The following GAPDH variants were observed in gnomAD, a reference collection of about 807,000 sequenced individuals.
GAPDH encodes OCAS, p38 component.
GAPDH carries 13 observed loss-of-function variants against 31.2 expected under a neutral mutation model. The observed-to-expected ratio is 0.42, with a 90% CI of 0.27 to 0.66. GAPDH has a LOEUF of 0.66. Among genes scored for constraint, GAPDH ranks in the 30% least tolerant of loss-of-function variants. The pLI is 0.26. For missense variants in GAPDH, 300 were observed against 443.7 expected, an observed-to-expected ratio of 0.68 and a Z score of 2.91; for synonymous variants, 211 against 166.9, an observed-to-expected ratio of 1.26 and a Z score of -2.04.
Position 6,535,262 on chromosome 12 carries a change from C to T in GAPDH, c.29+401C>T, listed in dbSNP as rs1032208447. The T allele has an allele frequency of 4.8e-6, 5 of 1,033,194 alleles. No homozygotes were observed. In the African/African-American group the frequency reaches 8.5e-5, roughly 18 times the overall value. 64.0% of individuals were successfully genotyped at this position (1,033,194 alleles called of 1,614,324 possible). A position where few individuals can be genotyped will look rare whatever the true frequency, so the allele number is the denominator to read the frequency against. ...ATGCTAGTGCGCAGCGGGTGCATCC[C>T]TGTCCGGATGCTGCGCCTGCGGTAG... is the stretch of plus-strand genomic sequence containing the variant. On this transcript the variant is annotated intron_variant, in intron 2 of 8. Coordinates refer to ENST00000229239, the MANE Select transcript of GAPDH (RefSeq NM_002046.7).
chr12:6,536,861 T>C (rs1364515095), intron 4 of GAPDH, 59 bp from the exon 5 acceptor site: 25 of 1,582,910 alleles, frequency 1.6e-5, no homozygotes, highest in Non-Finnish European at 2.2e-5. Flanking sequence ...CCCTTGGGTA[T>C]ATGGTAACCT....
intron 1 of GAPDH, 25 bp from the exon 2 acceptor site, chr12:6,534,785 C>A (rs753432264): frequency 6.2e-7 from 1 of 1,606,706 alleles, no homozygotes; most frequent in Non-Finnish European, 8.5e-7. Flanking sequence ...CCACTAGGCG[C>A]TCACTGTTCT....
intron 2 of GAPDH, 119 bp downstream of exon 2, chr12:6,534,980 G>A: frequency 1.7e-6 from 2 of 1,194,114 alleles, no homozygotes; most frequent in South Asian, 1.4e-5. Flanking sequence ...TTCCCCGCAA[G>A]GAGAGCTCAA....
At chr12:6,534,952 A>ATG in intron 2 of GAPDH, 91 bp downstream of exon 2, 4 of 1,390,038 alleles carry the variant, frequency 2.9e-6, no homozygotes, top group Non-Finnish European at 4.0e-6. Context: ...TTGCAGTCGT[A>ATG]TGGGGGCAGG....
At chr12:6,536,816 A>C (rs982204795) in intron 4 of GAPDH, 26 bp downstream of exon 4, 1 of 1,605,176 alleles carries the variant, frequency 6.2e-7, no homozygotes, top group Non-Finnish European at 8.5e-7. Flanking sequence ...AATGGAAGAA[A>C]TGTGCTTTGG....
chr12:6,535,201 C>T, intron 2 of GAPDH: 1 of 1,102,182 alleles, frequency 9.1e-7, no homozygotes, highest in Non-Finnish European at 1.1e-6. Context: ...GCAGAGGAGC[C>T]CCTCCCCCAC....
In GAPDH at chr12:6,537,583, G is replaced by T; in HGVS notation, c.526-1G>T. The T allele has an allele frequency of 6.2e-7, 1 of 1,610,422 alleles. No individual in the cohort carries two copies. The highest frequency in any genetic ancestry group is 1.1e-5 in the South Asian group (1 of 90,830). ...GCTGCAGGGCCTCACTCCTTTTGCA[G>T]ACCACAGTCCATGCCATCACTGCCA... On this transcript the variant is annotated splice_acceptor_variant, in intron 7 of 8. Coordinates refer to ENST00000229239, the MANE Select transcript of GAPDH (RefSeq NM_002046.7). LOFTEE classifies it high-confidence loss of function. The surrounding 1 kb of genome is among the most constrained non-coding windows in gnomAD (Gnocchi z 4.9).
chr12:6,535,109 C>G, intron 2 of GAPDH: 1 of 786,332 alleles, frequency 1.3e-6, no homozygotes, highest in Non-Finnish European at 1.8e-6. Flanking sequence ...ACAGGAGGTC[C>G]CTACTCCCGC....
At chr12:6,534,885 G>T (rs765111334) in intron 2 of GAPDH, 24 bp downstream of exon 2, 2 of 1,610,948 alleles carry the variant, frequency 1.2e-6, no homozygotes, top group Non-Finnish European at 8.5e-7. Flanking sequence ...TGGCTGGGGG[G>T]CCCTGGGCTG....
chr12:6,535,889 A>G (rs1024227563), intron 2 of GAPDH, among the ~76,000 whole-genome samples: 7 of 151,144 alleles, frequency 4.6e-5, no homozygotes, highest in African/African-American at 1.7e-4. Flanking sequence ...ACACACATGC[A>G]CTTACCTGTG....
rs532940876 is a variant in GAPDH, at chr12:6,534,520, C to G, written c.-73C>G. 3 of 447,116 alleles carry G rather than the reference C, an allele frequency of 6.7e-6. No homozygotes were observed. Among genetic ancestry groups the G allele is most frequent in the Non-Finnish European group, 1.2e-5 (3 of 245,114 alleles). The allele number at this position is 447,116 out of a possible 1,614,324, so 27.7% of individuals were successfully genotyped here. On this transcript the variant is annotated 5_prime_UTR_variant, in exon 1 of 9. Coordinates refer to ENST00000229239, the MANE Select transcript of GAPDH (RefSeq NM_002046.7). ...TGAGCCCGCAGCCTCCCGCTTCGCT[C>G]TCTGCTCCTCCTGTTCGACAGTCAG...
In GAPDH at chr12:6,536,680, C is replaced by A; in HGVS notation, c.130-4C>A. On this transcript the variant is annotated splice_polypyrimidine_tract_variant and splice_region_variant and intron_variant, in intron 3 of 8. Transcript: ENST00000229239. ...CCCCTTCATACCCTCACGTATTCCC[C>A]CAGGTTTACATGTTCCAATATGATT... The A allele has an allele frequency of 6.2e-7, 1 of 1,612,072 alleles. No homozygotes were observed. Among genetic ancestry groups the A allele is most frequent in the Non-Finnish European group, 8.5e-7 (1 of 1,178,346 alleles).
In GAPDH at chr12:6,537,415, G is replaced by C; in HGVS notation, c.525+25G>C. The C allele has an allele frequency of 1.2e-6, 2 of 1,600,980 alleles. No homozygotes were observed. Among genetic ancestry groups the C allele is most frequent in the Non-Finnish European group, 1.7e-6 (2 of 1,171,530 alleles). On this transcript the variant is annotated intron_variant, in intron 7 of 8. Coordinates refer to ENST00000229239, the MANE Select transcript of GAPDH (RefSeq NM_002046.7). This position sits in a 1 kb window ranked among gnomAD's most constrained non-coding sequence, Gnocchi z 4.9. ...GGTATGAGAGCTGGGGAATGGGACT[G>C]AGGCTCCCACCTTTCTCATCCAAGA...
At position 6,534,823 on chromosome 12, in the gene GAPDH, C is replaced by T. The variant is rs1946422624; in HGVS notation, c.-10C>T. 1.2e-6 allele frequency: 2 copies of T among 1,613,580 alleles called. No individual in the cohort carries two copies. Among genetic ancestry groups the T allele is most frequent in the Non-Finnish European group, 8.5e-7 (1 of 1,179,798 alleles). On this transcript the variant is annotated 5_prime_UTR_variant, in exon 2 of 9. Coordinates refer to ENST00000229239, the MANE Select transcript of GAPDH (RefSeq NM_002046.7). ...CCCTCCGCGCAGCCGAGCCACATCG[C>T]TCAGACACCATGGGGAAGGTGAAGG...
rs371116969 is a variant in GAPDH at position 6,537,235 on chromosome 12, G to T, written c.443+19G>T. The T allele has an allele frequency of 3.1e-6, 5 of 1,597,306 alleles. No homozygotes were observed. The African/African-American group carries it at 5.4e-5, about 17-fold the overall frequency. On this transcript the variant is annotated intron_variant, in intron 6 of 8. Coordinates refer to ENST00000229239, the MANE Select transcript of GAPDH (RefSeq NM_002046.7). This position sits in a 1 kb window ranked among gnomAD's most constrained non-coding sequence, Gnocchi z 4.9. ...TCATCAGGTGAGGAAGGCAGGGCCC[G>T]TGGAGAAGCGGCCAGCCTGGCACCC...
At position 6,537,566 on chromosome 12, in the gene GAPDH, G is replaced by A. The variant is rs762249305; in HGVS notation, c.526-18G>A. Reference sequence around the variant, plus strand: ...GGTGATGTGGGGAGTACGCTGCAGGGCCTCACTCCTTTTGCAGACCACAGT... The same window carrying A: ...GGTGATGTGGGGAGTACGCTGCAGGACCTCACTCCTTTTGCAGACCACAGT... On this transcript the variant is annotated intron_variant, in intron 7 of 8. Coordinates refer to ENST00000229239, the MANE Select transcript of GAPDH (RefSeq NM_002046.7). This position sits in a 1 kb window ranked among gnomAD's most constrained non-coding sequence, Gnocchi z 4.9. The A allele has an allele frequency of 6.2e-7, 1 of 1,605,336 alleles. No individual in the cohort carries two copies. The highest frequency in any genetic ancestry group is 1.3e-5 in the African/African-American group (1 of 74,886).
intron 1 of GAPDH, 69 bp from the exon 2 acceptor site, chr12:6,534,741 G>A (rs1946419866): frequency 7.5e-7 from 1 of 1,342,168 alleles, no homozygotes; most frequent in Non-Finnish European, 1.1e-6. Context: ...GGCCTGGTGG[G>A]GGAGGGGAGG....
rs767788286 is a variant in GAPDH, at chr12:6,537,210, T to A, written c.437T>A (p.Ile146Asn). The change falls in exon 6 of 9, where the codon ATC becomes AAC. Residue 146 changes from isoleucine to asparagine, a missense_variant. Physicochemically the swap from Ile to Asn is moderately radical, Grantham distance 149 (BLOSUM62 -3). Transcript: ENST00000229239. The surrounding 1 kb of genome is among the most constrained non-coding windows in gnomAD (Gnocchi z 4.9). ...NHEKYDNSLK[I>N]ISNASCTTNC... Reference sequence around the variant, plus strand: ...GAGAAGTATGACAACAGCCTCAAGATCATCAGGTGAGGAAGGCAGGGCCCG... The same window carrying A: ...GAGAAGTATGACAACAGCCTCAAGAACATCAGGTGAGGAAGGCAGGGCCCG... 6.2e-7 allele frequency: 1 copy of A among 1,611,770 alleles called. No individual in the cohort carries two copies. Among genetic ancestry groups the A allele is most frequent in the East Asian group, 2.2e-5 (1 of 44,872 alleles).
In GAPDH at chr12:6,537,535, T is replaced by A; in HGVS notation, c.526-49T>A. On this transcript the variant is annotated intron_variant, in intron 7 of 8. Coordinates refer to ENST00000229239, the MANE Select transcript of GAPDH (RefSeq NM_002046.7). The surrounding 1 kb of genome is among the most constrained non-coding windows in gnomAD (Gnocchi z 4.9). ...TTTCCTTTCAAGGTGGGGAGGGAGGTAGAGGGGTGATGTGGGGAGTACGCT... is the reference window on the plus strand; with the variant it reads ...TTTCCTTTCAAGGTGGGGAGGGAGGAAGAGGGGTGATGTGGGGAGTACGCT... 1 of 1,590,334 alleles carries A rather than the reference T, an allele frequency of 6.3e-7. No homozygotes were observed. Among genetic ancestry groups the A allele is most frequent in the Non-Finnish European group, 8.6e-7 (1 of 1,167,352 alleles).
Sources: allele counts gnomAD v4.1 joint callset (sites outside exome capture counted in the v4.1 genomes callset), GRCh38; gene constraint gnomAD v4.1.1; non-coding constraint Gnocchi (gnomAD v3.1); transcripts MANE v1.5; gene names NCBI Gene and HGNC (gene_info 2026-07-23, HGNC 2026-07-21).